The following INPP4A variants were observed in gnomAD, a reference collection of about 807,000 sequenced individuals.
INPP4A encodes the protein inositol polyphosphate-4-phosphatase type I A, also known as inositol polyphosphate-4-phosphatase, type I, 107kD.
INPP4A carries 33 observed loss-of-function variants against 119.8 expected under a neutral mutation model. The observed-to-expected ratio is 0.28, with a 90% CI of 0.21 to 0.37. The LOEUF (loss-of-function observed/expected upper bound fraction) is 0.37, where lower values mean the gene tolerates loss of function less well. Among genes scored for constraint, INPP4A ranks in the 10% least tolerant of loss-of-function variants. The pLI, the probability that INPP4A is intolerant of heterozygous loss-of-function variation, is 1.00. For synonymous variants in INPP4A, 496 were observed against 500.7 expected, an observed-to-expected ratio of 0.99 and a Z score of 0.12; for missense variants, 956 against 1,289.9, an observed-to-expected ratio of 0.74 and a Z score of 3.97.
chr2:98,552,564 T>TA (rs1693725095), intron 13 of INPP4A: 1 of 679,926 alleles, frequency 1.5e-6, no homozygotes, highest in African/African-American at 1.7e-5. Flanking sequence ...CAAATACAGA[T>TA]AAAAGACTGA....
At chr2:98,585,420 C>A (rs1452480173) in intron 24 of INPP4A, among the ~76,000 whole-genome samples, 1 of 152,184 alleles carries the variant, frequency 6.6e-6, no homozygotes, top group Admixed American at 6.5e-5. Flanking sequence ...AATCATGGAG[C>A]TTTGAAATAA....
intron 1 of INPP4A, among the ~76,000 whole-genome samples, chr2:98,495,460 A>T (rs1681740382): frequency 6.6e-6 from 1 of 152,224 alleles, no homozygotes. Context: ...ATTTGAAGAG[A>T]TTTATTCTGA....
intron 10 of INPP4A, among the ~76,000 whole-genome samples, chr2:98,541,044 G>C (rs1004429408): frequency 6.6e-6 from 1 of 152,166 alleles, no homozygotes; most frequent in Non-Finnish European, 1.5e-5. Context: ...TAAAGGGCAA[G>C]AGGCCAGGCG....
At chr2:98,532,601 C>A (rs1689450960) in intron 4 of INPP4A, among the ~76,000 whole-genome samples, 1 of 152,164 alleles carries the variant, frequency 6.6e-6, no homozygotes, top group Non-Finnish European at 1.5e-5. Context: ...TCCTAGGCAC[C>A]TAGGCTACAT....
chr2:98,584,615 G>C (rs572723326), intron 24 of INPP4A, among the ~76,000 whole-genome samples: 2 of 152,266 alleles, frequency 1.3e-5, no homozygotes, highest in African/African-American at 2.4e-5. Context: ...GGCTTGGCCC[G>C]TGGGCTGAGA....
intron 1 of INPP4A, among the ~76,000 whole-genome samples, chr2:98,514,173 T>G (rs936438107): frequency 6.6e-6 from 1 of 152,146 alleles, no homozygotes; most frequent in Non-Finnish European, 1.5e-5. Context: ...TCTCACACCA[T>G]GGAGTCTCCA....
At chr2:98,573,028 C>T in intron 23 of INPP4A, 101 bp downstream of exon 23, 3 of 877,690 alleles carry the variant, frequency 3.4e-6, no homozygotes, top group South Asian at 3.0e-5. Flanking sequence ...GAGCAGAGCT[C>T]TCCATACTGG....
intron 13 of INPP4A, 36 bp from the exon 14 acceptor site, chr2:98,552,750 G>A (rs1470678424): frequency 6.6e-7 from 1 of 1,522,382 alleles, no homozygotes; most frequent in Admixed American, 1.7e-5. Context: ...TTCAGATTCT[G>A]GAGAATCCCT....
chr2:98,541,254 G>C (rs1253761376), intron 10 of INPP4A, among the ~76,000 whole-genome samples: 2 of 151,776 alleles, frequency 1.3e-5, no homozygotes. Context: ...GTGAACCCAG[G>C]AGGCGGAGCT....
At chr2:98,585,126 T>C (rs1699814157) in intron 24 of INPP4A, among the ~76,000 whole-genome samples, 1 of 152,224 alleles carries the variant, frequency 6.6e-6, no homozygotes, top group South Asian at 2.1e-4. Flanking sequence ...TTTCAACTAG[T>C]GTGACAGTCA....
chr2:98,515,892 ATAGAACCTCAGGG>A (rs1207920488), intron 1 of INPP4A, among the ~76,000 whole-genome samples: 1 of 152,158 alleles, frequency 6.6e-6, no homozygotes, highest in African/African-American at 2.4e-5. Context: ...GGGAAGTGGG[ATAGAACCTCAGGG>A]TTTACTGTCC....
rs750453010 is a variant in INPP4A at position 98,533,371 on chromosome 2, C to G, written c.152-6C>G. 3.1e-6 allele frequency: 5 copies of G among 1,590,828 alleles called. No individual in the cohort carries two copies. In the African/African-American group the frequency reaches 6.7e-5, roughly 21 times the overall value. On this transcript the variant is annotated splice_polypyrimidine_tract_variant and splice_region_variant and intron_variant, in intron 4 of 24. Coordinates refer to ENST00000409851, the MANE Select transcript of INPP4A (RefSeq NM_001134225.2). ...GATTCATTTCTTTCCCGTGTTGATT[C>G]TGTAGCTTGCAGTGAGCTGCATACT...
At chr2:98,474,954 A>C (rs1676897486) in intron 1 of INPP4A, among the ~76,000 whole-genome samples, 1 of 152,132 alleles carries the variant, frequency 6.6e-6, no homozygotes, top group Non-Finnish European at 1.5e-5. Context: ...CCTTCTCCTA[A>C]GGAGCTACAG....
chr2:98,576,879 G>GT, intron 23 of INPP4A, 110 bp from the exon 24 acceptor site: 4 of 1,359,002 alleles, frequency 2.9e-6, no homozygotes, highest in Non-Finnish European at 4.0e-6. Flanking sequence ...TGGGTGTTGA[G>GT]TTTCTGTTCC....
At chr2:98,458,507 C>A (rs1425477234) in intron 1 of INPP4A, among the ~76,000 whole-genome samples, 5 of 152,154 alleles carry the variant, frequency 3.3e-5, no homozygotes, top group African/African-American at 1.2e-4. Flanking sequence ...GTTTTGCTAG[C>A]CAGTTCTTTC....
In INPP4A at chr2:98,555,634, C is replaced by A. The variant is rs1223193068; in HGVS notation, c.1648C>A (p.His550Asn). 3 of 1,613,716 alleles carry A rather than the reference C, an allele frequency of 1.9e-6. No individual in the cohort carries two copies. Among genetic ancestry groups the A allele is most frequent in the Non-Finnish European group, 1.7e-6 (2 of 1,179,816 alleles). The change falls in exon 16 of 25, where the codon CAT becomes AAT. Residue 550 changes from histidine to asparagine, a missense_variant. His to Asn is a moderately conservative substitution (Grantham distance 68, BLOSUM62 1). Transcript: ENST00000409851. ...VDKLLQKERL[H>N]GEGCEDVFPC... ...CAAGCTGCTGCAGAAGGAGCGGCTG[C>A]ATGGCGAGGGCTGTGAGGATGTCTT... is the stretch of plus-strand genomic sequence containing the variant.
In INPP4A at chr2:98,554,242, C is replaced by T. The variant is rs751768463; in HGVS notation, c.1348-29C>T. 5 of 1,560,168 alleles carry T rather than the reference C, an allele frequency of 3.2e-6. No homozygotes were observed. The Admixed American group carries it at 5.6e-5, about 17-fold the overall frequency. On this transcript the variant is annotated intron_variant, in intron 14 of 24. Transcript: ENST00000409851. This position sits in a 1 kb window ranked among gnomAD's most constrained non-coding sequence, Gnocchi z 4.7. ...GCCTCCCCAGCCCCTGGCCTGGGCT[C>T]AGCAGCCTTGGTTTGTGTGCACCTG... is the stretch of plus-strand genomic sequence containing the variant.
intron 1 of INPP4A, among the ~76,000 whole-genome samples, chr2:98,511,967 C>G (rs1327216615): frequency 3.9e-5 from 6 of 152,190 alleles, no homozygotes; most frequent in African/African-American, 1.4e-4. Flanking sequence ...GTTGGAGGAA[C>G]TGGAGAAGGT....
chr2:98,543,278 C>T (rs974322067), intron 10 of INPP4A, among the ~76,000 whole-genome samples: 1 of 152,172 alleles, frequency 6.6e-6, no homozygotes, highest in African/African-American at 2.4e-5. Context: ...TGTGGTATTC[C>T]GCTGCTGAGG....
Sources: gnomAD v4.1 joint callset for allele counts (sites outside exome capture counted in the v4.1 genomes callset) on GRCh38, gnomAD v4.1.1 for gene constraint, Gnocchi (gnomAD v3.1) non-coding constraint, MANE v1.5 for transcripts, NCBI Gene and HGNC (gene_info 2026-07-23, HGNC 2026-07-21) for gene names.